Variants in DPP6 observed in about 807,000 individuals in gnomAD.
DPP6 encodes dipeptidyl peptidase like 6.
Under a neutral mutation model 122.6 loss-of-function variants are expected in DPP6, and 69 were observed. The ratio of observed to expected loss-of-function variants is 0.56; its 90% CI spans 0.46 to 0.69. The LOEUF is 0.69. Among genes scored for constraint, DPP6 ranks in the 30% least tolerant of loss-of-function variants. The pLI is 0.00. For missense variants in DPP6, 928 were observed against 1,116.9 expected (o/e 0.83, Z 2.41); for synonymous variants, 418 against 433.1 (o/e 0.97, Z 0.43).
In DPP6 at chr7:154,424,337, C is replaced by G. The variant is rs141898815; in HGVS notation, c.244-21877C>G. ...CATAAATTTATTATCATATGAGATC[C>G]AAAGTCTGAAATGGGCTTCAAGTAG... is the stretch of plus-strand genomic sequence containing the variant. On this transcript the variant is annotated intron_variant, in intron 1 of 25. Transcript: ENST00000377770. Among the ~76,000 whole-genome samples, 502 of 152,264 alleles carry G rather than the reference C, an allele frequency of 3.3e-3. 12 individuals carry two copies. The highest frequency in any genetic ancestry group is 0.025 in the Admixed American group (386 of 15,300).
the DPP6 span, among the ~76,000 whole-genome samples, chr7:153,826,726 C>A: frequency 6.6e-6 from 1 of 152,066 alleles, no homozygotes; most frequent in Non-Finnish European, 1.5e-5. Flanking sequence ...ATCAATATGG[C>A]TTCCATATGC....
chr7:154,480,032 C>T (rs925039278), intron 3 of DPP6, among the ~76,000 whole-genome samples: 28 of 152,048 alleles, frequency 1.8e-4, no homozygotes, highest in Admixed American at 1.4e-3. Flanking sequence ...CCTGCCCCGC[C>T]CCACAGGTGA....
chr7:154,068,025 G>A (rs550461550), intron 1 of DPP6, among the ~76,000 whole-genome samples: 99 of 151,512 alleles, frequency 6.5e-4, no homozygotes, highest in African/African-American at 2.3e-3. Context: ...GTCTCCCAAA[G>A]TACTGGGATT....
intron 6 of DPP6, among the ~76,000 whole-genome samples, chr7:154,666,994 G>T (rs893684935): frequency 6.6e-6 from 1 of 152,134 alleles, no homozygotes; most frequent in Non-Finnish European, 1.5e-5. Context: ...CCAGCACCAT[G>T]TGTCATACTT....
At chr7:154,205,444 C>A (rs1288605863) in intron 1 of DPP6, among the ~76,000 whole-genome samples, 1 of 152,150 alleles carries the variant, frequency 6.6e-6, no homozygotes, top group Non-Finnish European at 1.5e-5. Flanking sequence ...GGTGTGTGAC[C>A]TTTTGGGATT....
chr7:154,594,589 CTAATCA>C (rs1832982463), intron 5 of DPP6, among the ~76,000 whole-genome samples: 1 of 152,190 alleles, frequency 6.6e-6, no homozygotes, highest in Admixed American at 6.5e-5. Flanking sequence ...TGTTTGCCAT[CTAATCA>C]TATCCACTCT....
intron 16 of DPP6, among the ~76,000 whole-genome samples, chr7:154,818,238 G>A (rs1459267958): frequency 6.6e-6 from 1 of 152,202 alleles, no homozygotes; most frequent in Non-Finnish European, 1.5e-5. Flanking sequence ...GGAAATGGCT[G>A]TCATGGAAAC....
At chr7:154,879,659 G>A (rs1805207269) in intron 20 of DPP6, among the ~76,000 whole-genome samples, 2 of 152,006 alleles carry the variant, frequency 1.3e-5, no homozygotes, top group Non-Finnish European at 2.9e-5. Context: ...GGTTGAGGCA[G>A]GAGGATCGCT....
intron 1 of DPP6, among the ~76,000 whole-genome samples, chr7:154,143,768 A>G (rs1795956151): frequency 6.6e-6 from 1 of 151,686 alleles, no homozygotes; most frequent in Non-Finnish European, 1.5e-5. Flanking sequence ...TCTTGTCTTA[A>G]TGGCTGCTTG....
chr7:153,791,112 A>G, the DPP6 span, among the ~76,000 whole-genome samples: 1 of 152,186 alleles, frequency 6.6e-6, no homozygotes, highest in African/African-American at 2.4e-5. Flanking sequence ...AGGCTCAGAA[A>G]TATTTTGGGA....
At chr7:154,746,219 A>G (rs533410481) in intron 8 of DPP6, among the ~76,000 whole-genome samples, 1 of 152,280 alleles carries the variant, frequency 6.6e-6, no homozygotes, top group South Asian at 2.1e-4. Context: ...TTCCAAAGAC[A>G]CAACCTGGAA....
chr7:154,209,399 C>T (rs530576587), intron 1 of DPP6, among the ~76,000 whole-genome samples: 1 of 152,246 alleles, frequency 6.6e-6, no homozygotes, highest in Admixed American at 6.5e-5. Flanking sequence ...TGCAGCATTC[C>T]TTTGTGCCTC....
intron 8 of DPP6, among the ~76,000 whole-genome samples, chr7:154,754,015 A>T (rs1051749104): frequency 7.1e-6 from 1 of 141,164 alleles, no homozygotes; most frequent in Non-Finnish European, 1.5e-5. Flanking sequence ...TATAATTTAC[A>T]ATTAATTAAC....
At chr7:154,458,281 C>T (rs900224132) in intron 2 of DPP6, among the ~76,000 whole-genome samples, 7 of 152,118 alleles carry the variant, frequency 4.6e-5, no homozygotes, top group African/African-American at 1.7e-4. Context: ...CTCATGAGAC[C>T]TGATGGTTTT....
chr7:153,916,599 G>C (rs1367167101), intron 1 of DPP6, among the ~76,000 whole-genome samples: 1 of 151,186 alleles, frequency 6.6e-6, no homozygotes, highest in Non-Finnish European at 1.5e-5. Context: ...AGTAGAAACG[G>C]GGTTTCACTG....
chr7:154,806,854 G>A (rs1199849529), intron 15 of DPP6, 140 bp from the exon 16 acceptor site: 1 of 1,121,698 alleles, frequency 8.9e-7, no homozygotes, highest in Non-Finnish European at 1.2e-6. Flanking sequence ...CCAGCAGGGA[G>A]ACAGAGGGAG....
intron 1 of DPP6, among the ~76,000 whole-genome samples, chr7:154,228,560 G>T (rs1297497877): frequency 1.3e-5 from 2 of 152,038 alleles, no homozygotes; most frequent in Non-Finnish European, 2.9e-5. Flanking sequence ...AATGGAAACT[G>T]GGAAAGAATC....
intron 8 of DPP6, among the ~76,000 whole-genome samples, chr7:154,751,525 G>A (rs1180077784): frequency 5.3e-5 from 8 of 150,554 alleles, no homozygotes; most frequent in East Asian, 2.0e-4. Context: ...TGGAAGAATC[G>A]CTTGAACCCA....
chr7:154,703,032 G>C (rs1222397202), intron 7 of DPP6, among the ~76,000 whole-genome samples: 1 of 152,214 alleles, frequency 6.6e-6, no homozygotes, highest in Non-Finnish European at 1.5e-5. Flanking sequence ...TAAGAGTGAT[G>C]TTAAGTCTAC....
Sources: gnomAD v4.1 joint callset for allele counts (sites outside exome capture counted in the v4.1 genomes callset) on GRCh38, gnomAD v4.1.1 for gene constraint, MANE v1.5 for transcripts, NCBI Gene and HGNC (gene_info 2026-07-23, HGNC 2026-07-21) for gene names.